Variants in MAML3 observed in about 807,000 individuals in gnomAD.
The protein encoded by MAML3 is mastermind like transcriptional coactivator 3.
A neutral mutation model predicts 101.9 loss-of-function variants in MAML3; 27 were observed. The ratio of observed to expected loss-of-function variants is 0.27; its 90% confidence interval spans 0.20 to 0.37. The LOEUF (loss-of-function observed/expected upper bound fraction) is 0.37. Among genes scored for constraint, MAML3 ranks in the 10% least tolerant of loss-of-function variants. MAML3 has a pLI of 1.00. For synonymous variants in MAML3, 501 were observed against 555.9 expected, an observed-to-expected ratio of 0.90 and a Z score of 1.39; for missense variants, 1,316 against 1,444.9, an observed-to-expected ratio of 0.91 and a Z score of 1.45.
chr4:139,868,353 AT>A (rs1731938848), intron 2 of MAML3, among the ~76,000 whole-genome samples: 1 of 152,246 alleles, frequency 6.6e-6, no homozygotes. Flanking sequence ...TTCAAGATTC[AT>A]TTGACATTAT....
In MAML3 at chr4:140,069,218, G is replaced by A. The variant is rs1474234738; in HGVS notation, c.468+83642C>T. On this transcript the variant is annotated intron_variant, in intron 1 of 4. Coordinates refer to ENST00000509479, the MANE Select transcript of MAML3 (RefSeq NM_018717.5). ...GTCCCATAGTAGAAGGGGAAATGTG[G>A]AGTCTTTTGACTTGGTTGCACTATG... is the stretch of plus-strand genomic sequence containing the variant. Among the ~76,000 whole-genome samples, 6 of 152,108 alleles carry A rather than the reference G, an allele frequency of 3.9e-5. No homozygotes were observed. In the South Asian group the frequency reaches 6.2e-4, roughly 16 times the overall value.
intron 1 of MAML3, among the ~76,000 whole-genome samples, chr4:140,109,984 T>C (rs1728413457): frequency 6.6e-6 from 1 of 152,194 alleles, no homozygotes. Flanking sequence ...TCCTCTCACA[T>C]GGCTGCTTTG....
At chr4:139,776,732 A>C (rs541103115) in intron 2 of MAML3, among the ~76,000 whole-genome samples, 6 of 133,424 alleles carry the variant, frequency 4.5e-5, no homozygotes, top group African/African-American at 1.6e-4. Context: ...GGCAGAGGTC[A>C]CAGGGCCAAG....
chr4:140,147,720 A>G (rs1729089947), intron 1 of MAML3, among the ~76,000 whole-genome samples: 1 of 152,246 alleles, frequency 6.6e-6, no homozygotes, highest in South Asian at 2.1e-4. Context: ...AAGATGGGTA[A>G]TGTGGAAAAA....
chr4:140,043,805 ACT>A (rs1395494164), intron 1 of MAML3, among the ~76,000 whole-genome samples: 13 of 152,308 alleles, frequency 8.5e-5, no homozygotes, highest in African/African-American at 3.1e-4. Flanking sequence ...ATCAGTGAAG[ACT>A]CACACATAGA....
intron 1 of MAML3, among the ~76,000 whole-genome samples, chr4:139,905,537 A>G (rs1018130550): frequency 6.0e-5 from 9 of 150,872 alleles, no homozygotes; most frequent in Non-Finnish European, 1.2e-4. Context: ...GCTGGTTACA[A>G]AAGGTAAAAT....
chr4:140,077,753 C>T (rs1727795138), intron 1 of MAML3, among the ~76,000 whole-genome samples: 1 of 152,158 alleles, frequency 6.6e-6, no homozygotes, highest in Non-Finnish European at 1.5e-5. Flanking sequence ...GGTATGGTGG[C>T]TCACGCCTGT....
intron 2 of MAML3, among the ~76,000 whole-genome samples, chr4:139,808,238 C>A (rs904028775): frequency 3.9e-5 from 6 of 152,266 alleles, no homozygotes; most frequent in Non-Finnish European, 8.8e-5. Flanking sequence ...TGTATTCATT[C>A]ATCCATCCAT....
chr4:140,051,334 CACCT>C lies in MAML3; in HGVS notation c.468+101522_468+101525del, dbSNP rs1727263920. Among the ~76,000 whole-genome samples, 10 of 152,224 alleles carry C rather than the reference CACCT, an allele frequency of 6.6e-5. No individual in the cohort carries two copies. The South Asian group carries it at 2.1e-3, about 32-fold the overall frequency. On this transcript the variant is annotated intron_variant, in intron 1 of 4. Transcript: ENST00000509479. ...CTTTGGGAGGCTGAGGCAGGTGGAT[CACCT>C]GAGGTTAGGAGTTCGAGACCAGCCT... is the stretch of plus-strand genomic sequence containing the variant.
rs980337252 is a variant in MAML3, at chr4:139,978,272, C to T, written c.469-87305G>A. Reference sequence around the variant, plus strand: ...TGAGCTAATGTGGAGATGCATGGCACTCCTGGCTCCCCATCTTTGGGAGTG... The same window carrying T: ...TGAGCTAATGTGGAGATGCATGGCATTCCTGGCTCCCCATCTTTGGGAGTG... On this transcript the variant is annotated intron_variant, in intron 1 of 4. Coordinates refer to ENST00000509479, the MANE Select transcript of MAML3 (RefSeq NM_018717.5). 1.5e-4 allele frequency among the ~76,000 whole-genome samples: 23 copies of T among 152,164 alleles called. 1 individual carries two copies. Among genetic ancestry groups the T allele is most frequent in the Non-Finnish European group, 2.9e-4 (20 of 68,032 alleles).
At chr4:139,865,530 A>G (rs1485985886) in intron 2 of MAML3, among the ~76,000 whole-genome samples, 1 of 150,488 alleles carries the variant, frequency 6.6e-6, no homozygotes, top group East Asian at 1.9e-4. Flanking sequence ...ACTAAACACA[A>G]TAATAAATTA....
At chr4:139,984,639 T>C (rs553095488) in intron 1 of MAML3, among the ~76,000 whole-genome samples, 50 of 152,288 alleles carry the variant, frequency 3.3e-4, no homozygotes, top group Non-Finnish European at 6.6e-4. Context: ...TTTTAAGGAA[T>C]TGGCTCATGC....
rs139762613 is a variant in MAML3 at position 139,785,071 on chromosome 4, T to C, written c.2080-54404A>G. Among the ~76,000 whole-genome samples the C allele has an allele frequency of 8.4e-3, 1,276 of 152,306 alleles. 24 individuals are homozygous for C. The highest frequency in any genetic ancestry group is 0.028 in the African/African-American group (1,184 of 41,562). ...CATAGCTGTATAACAAAATTACACT[T>C]GTACCCCTTACATTTGTACAAAAGA... On this transcript the variant is annotated intron_variant, in intron 2 of 4. Transcript: ENST00000509479. This position sits in a 1 kb window ranked among gnomAD's most constrained non-coding sequence, Gnocchi z 4.3.
intron 2 of MAML3, among the ~76,000 whole-genome samples, chr4:139,803,113 A>C (rs1344778762): frequency 6.6e-6 from 1 of 152,152 alleles, no homozygotes; most frequent in Non-Finnish European, 1.5e-5. Context: ...GGACCAATTT[A>C]AAATGCAGTG....
chr4:139,909,192 G>T (rs543169753), intron 1 of MAML3, among the ~76,000 whole-genome samples: 1 of 152,208 alleles, frequency 6.6e-6, no homozygotes, highest in East Asian at 1.9e-4. Flanking sequence ...TTGAAAATAG[G>T]CATATTCACA....
In MAML3 at chr4:139,719,351, T is replaced by C. The variant is rs1579354216; in HGVS notation, c.3389A>G (p.Glu1130Gly). The stretch of plus-strand genomic sequence containing the variant: ...GGGGTTACCAAACAATTCATCAAGC[T>C]CCTGCATCCACTCGTCCCCTGGCCC... ...KGGPGDEWMQ[E>G]LDELFGNP The change falls in exon 5 of 5, where the codon GAG (glutamate) becomes GGG (glycine). Residue 1130 changes from glutamate to glycine, a missense_variant. By Grantham distance (98) the Glu-to-Gly change is moderately conservative. Transcript: ENST00000509479. 6.2e-7 allele frequency: 1 copy of C among 1,602,614 alleles called. No individual in the cohort carries two copies. Among genetic ancestry groups the C allele is most frequent in the East Asian group, 2.2e-5 (1 of 44,668 alleles).
chr4:139,882,530 T>G (rs1732241057), intron 2 of MAML3, among the ~76,000 whole-genome samples: 1 of 152,098 alleles, frequency 6.6e-6, no homozygotes, highest in Non-Finnish European at 1.5e-5. Flanking sequence ...GCCTTTAAAA[T>G]TCTAATTAAA....
At chr4:139,774,349 CT>C (rs1655857157) in intron 2 of MAML3, among the ~76,000 whole-genome samples, 1 of 152,218 alleles carries the variant, frequency 6.6e-6, no homozygotes, top group African/African-American at 2.4e-5. Flanking sequence ...TGACTTATGT[CT>C]ATTTTGTTTA....
Position 139,794,840 on chromosome 4 carries a change from C to T in MAML3, c.2080-64173G>A, listed in dbSNP as rs145760553. On this transcript the variant is annotated intron_variant, in intron 2 of 4. Coordinates refer to ENST00000509479, the MANE Select transcript of MAML3 (RefSeq NM_018717.5). The stretch of plus-strand genomic sequence containing the variant: ...AGCTGGCCAAGATTGTTTCTGTCTT[C>T]GTACTGCTTAACAGACTAGGGTCAG... Among the ~76,000 whole-genome samples, 1,252 of 152,280 alleles carry T rather than the reference C, an allele frequency of 8.2e-3. 16 individuals carry two copies. The highest frequency in any genetic ancestry group is 0.028 in the African/African-American group (1,164 of 41,542).
Sources: allele counts gnomAD v4.1 joint callset (sites outside exome capture counted in the v4.1 genomes callset), GRCh38; gene constraint gnomAD v4.1.1; non-coding constraint Gnocchi (gnomAD v3.1); transcripts MANE v1.5; gene names NCBI Gene and HGNC (gene_info 2026-07-23, HGNC 2026-07-21).